The following CACNA2D3 variants were observed in gnomAD, a reference collection of about 807,000 sequenced individuals.
The protein encoded by CACNA2D3 is voltage-dependent calcium channel subunit alpha-2/delta-3.
A neutral mutation model predicts 160.6 loss-of-function variants in CACNA2D3; 60 were observed. The observed-to-expected ratio is 0.37, with a 90% CI of 0.30 to 0.46. The LOEUF (loss-of-function observed/expected upper bound fraction) is 0.46, where lower values mean the gene tolerates loss of function less well. Among genes scored for constraint, CACNA2D3 ranks in the 20% least tolerant of loss-of-function variants. The probability of loss-of-function intolerance (pLI) is 1.00; values close to 1 mark genes in which losing one functional copy is unlikely to be tolerated. For synonymous variants in CACNA2D3, 558 were observed against 492.9 expected, an observed-to-expected ratio of 1.13 and a Z score of -1.75; for missense variants, 1,205 against 1,365.0, an observed-to-expected ratio of 0.88 and a Z score of 1.85.
intron 11 of CACNA2D3, among the ~76,000 whole-genome samples, chr3:54,709,867 A>G (rs544386590): frequency 3.9e-5 from 6 of 152,308 alleles, no homozygotes; most frequent in Admixed American, 3.9e-4. Context: ...TTGAGTCTGC[A>G]GTGAGCCATG....
At chr3:54,190,212 CTTTGGG>C (rs1700954853) in intron 2 of CACNA2D3, among the ~76,000 whole-genome samples, 1 of 152,174 alleles carries the variant, frequency 6.6e-6, no homozygotes, top group East Asian at 1.9e-4. Context: ...AATACCATCA[CTTTGGG>C]AGTAAGGAAT....
intron 11 of CACNA2D3, among the ~76,000 whole-genome samples, chr3:54,720,585 A>G (rs575243277): frequency 2.6e-4 from 39 of 152,230 alleles, no homozygotes; most frequent in African/African-American, 9.1e-4. Flanking sequence ...TGATGAATGC[A>G]GTGTTCCATA....
intron 5 of CACNA2D3, among the ~76,000 whole-genome samples, chr3:54,558,331 A>G (rs183955994): frequency 2.0e-5 from 3 of 152,238 alleles, no homozygotes; most frequent in East Asian, 1.9e-4. Context: ...AGCCCCATCA[A>G]TGGCAGTGTG....
intron 4 of CACNA2D3, among the ~76,000 whole-genome samples, chr3:54,474,247 G>A (rs546048949): frequency 2.7e-4 from 41 of 152,080 alleles, no homozygotes; most frequent in African/African-American, 9.4e-4. Flanking sequence ...TGTCCTTTGC[G>A]GGGACATGGT....
chr3:55,000,655 G>A (rs1702962176), intron 31 of CACNA2D3, among the ~76,000 whole-genome samples: 1 of 152,180 alleles, frequency 6.6e-6, no homozygotes, highest in African/African-American at 2.4e-5. Flanking sequence ...GTAAACTAGA[G>A]CCTTTGAAAA....
chr3:55,051,999 C>G (rs1439912184), intron 35 of CACNA2D3, among the ~76,000 whole-genome samples: 1 of 152,198 alleles, frequency 6.6e-6, no homozygotes, highest in African/African-American at 2.4e-5. Context: ...CCTGCGCCCA[C>G]TGTCTGGCAC....
At chr3:54,322,846 G>A (rs955395618) in intron 3 of CACNA2D3, among the ~76,000 whole-genome samples, 9 of 152,040 alleles carry the variant, frequency 5.9e-5, no homozygotes, top group Non-Finnish European at 1.0e-4. Context: ...TTGGTATGGT[G>A]GGTGTAGTTC....
chr3:54,656,310 CA>C (rs1290474935), intron 11 of CACNA2D3, among the ~76,000 whole-genome samples: 16 of 152,242 alleles, frequency 1.1e-4, no homozygotes, highest in African/African-American at 3.9e-4. Flanking sequence ...AAAACTCTCC[CA>C]GTAAGTGGTT....
chr3:54,760,083 G>T (rs1317646736), intron 12 of CACNA2D3, among the ~76,000 whole-genome samples: 2 of 152,162 alleles, frequency 1.3e-5, no homozygotes, highest in Non-Finnish European at 2.9e-5. Flanking sequence ...TCCCAACAAG[G>T]TGGGGATTTT....
chr3:54,982,669 G>C (rs1303283623), intron 29 of CACNA2D3, among the ~76,000 whole-genome samples: 1 of 151,806 alleles, frequency 6.6e-6, no homozygotes, highest in Non-Finnish European at 1.5e-5. Flanking sequence ...TGGCTACACT[G>C]TAGGCAGAGC....
In CACNA2D3 at chr3:54,320,084, G is replaced by C. The variant is rs79454143; in HGVS notation, c.205-358G>C. The stretch of plus-strand genomic sequence containing the variant: ...ACTTTGAGAACTGCACATTTAAACA[G>C]ATAAACTACCAGGGTATGTGATGGC... On this transcript the variant is annotated intron_variant, in intron 2 of 37. Coordinates refer to ENST00000474759, the MANE Select transcript of CACNA2D3 (RefSeq NM_018398.3). Among the ~76,000 whole-genome samples the C allele has an allele frequency of 2.6e-3, 403 of 152,306 alleles. 4 individuals carry two copies. The highest frequency in any genetic ancestry group is 9.4e-3 in the African/African-American group (389 of 41,572).
At chr3:54,460,464 G>C (rs1457974492) in intron 4 of CACNA2D3, among the ~76,000 whole-genome samples, 2 of 152,146 alleles carry the variant, frequency 1.3e-5, no homozygotes, top group Admixed American at 6.5e-5. Context: ...GCAGTGGTTT[G>C]TAGTTCTCCT....
At chr3:54,248,512 A>C (rs1171160463) in intron 2 of CACNA2D3, among the ~76,000 whole-genome samples, 1 of 151,614 alleles carries the variant, frequency 6.6e-6, no homozygotes. Context: ...AAGAAAAAGA[A>C]AAAAAAAGGT....
chr3:54,455,383 T>C (rs1193406543), intron 4 of CACNA2D3, among the ~76,000 whole-genome samples: 1 of 152,180 alleles, frequency 6.6e-6, no homozygotes, highest in African/African-American at 2.4e-5. Flanking sequence ...GTATGCCAGA[T>C]TATTTTGAGA....
At chr3:54,773,296 G>T (rs1045126906) in intron 13 of CACNA2D3, among the ~76,000 whole-genome samples, 1 of 152,142 alleles carries the variant, frequency 6.6e-6, no homozygotes, top group Non-Finnish European at 1.5e-5. Flanking sequence ...AATTAAATGG[G>T]GTCAAAGCCA....
chr3:54,749,240 A>G (rs894396751), intron 11 of CACNA2D3, among the ~76,000 whole-genome samples: 1 of 152,214 alleles, frequency 6.6e-6, no homozygotes, highest in Non-Finnish European at 1.5e-5. Context: ...CTTGCTTTTT[A>G]CCTTTACCAG....
At chr3:54,745,850 G>A (rs1289020395) in intron 11 of CACNA2D3, among the ~76,000 whole-genome samples, 4 of 152,012 alleles carry the variant, frequency 2.6e-5, no homozygotes, top group Admixed American at 1.3e-4. Context: ...TGAGGTATCA[G>A]GCACTTGTGC....
chr3:54,273,638 A>T (rs1702670540), intron 2 of CACNA2D3, among the ~76,000 whole-genome samples: 4 of 152,170 alleles, frequency 2.6e-5, no homozygotes, highest in African/African-American at 9.7e-5. Context: ...CACAACACGG[A>T]CAGCAGGAGC....
In CACNA2D3 at chr3:54,489,460, C is replaced by A. The variant is rs530235742; in HGVS notation, c.382-14032C>A. 2.6e-5 allele frequency among the ~76,000 whole-genome samples: 4 copies of A among 152,322 alleles called. No individual in the cohort carries two copies. The South Asian group carries it at 8.3e-4, about 32-fold the overall frequency. The stretch of plus-strand genomic sequence containing the variant: ...CTTGCTGGTGTTCGGCACTTTTTAG[C>A]CCACAAAAGGGTAGTTTTATACAGT... On this transcript the variant is annotated intron_variant, in intron 4 of 37. Coordinates refer to ENST00000474759, the MANE Select transcript of CACNA2D3 (RefSeq NM_018398.3).
Sources: allele counts gnomAD v4.1 joint callset (sites outside exome capture counted in the v4.1 genomes callset), GRCh38; gene constraint gnomAD v4.1.1; transcripts MANE v1.5; gene names NCBI Gene and HGNC (gene_info 2026-07-23, HGNC 2026-07-21).